UFSP1: variants seen among roughly 807,000 people sequenced by gnomAD.
The protein encoded by UFSP1 is UFM1 specific peptidase 1.
For synonymous variants in UFSP1, 119 were observed against 77.6 expected, an observed-to-expected ratio of 1.53 and a Z score of -2.81; for missense variants, 261 against 182.7, an observed-to-expected ratio of 1.43 and a Z score of -2.47.
chr7:100,888,760 G>A lies in UFSP1; in HGVS notation c.*83C>T, dbSNP rs1369274997. Reference sequence around the variant, plus strand: ...GCCACTTTTATTATTGATGTCAAAAGCGCCAGGCTTTGCAGGGACACCAGT... The same window carrying A: ...GCCACTTTTATTATTGATGTCAAAAACGCCAGGCTTTGCAGGGACACCAGT... On this transcript the variant is annotated 3_prime_UTR_variant, in exon 1 of 1. Transcript: ENST00000388761. 10 of 1,542,366 alleles carry A rather than the reference G, an allele frequency of 6.5e-6. No individual in the cohort carries two copies. The highest frequency in any genetic ancestry group is 8.8e-6 in the Non-Finnish European group (10 of 1,131,464).
Position 100,889,177 on chromosome 7 carries a change from C to A in UFSP1, c.95G>T (p.Gly32Val). 2 of 1,611,752 alleles carry A rather than the reference C, an allele frequency of 1.2e-6. No homozygotes were observed. ...TCCCCGGGGTACGTGGCAGAGGCGT[C>A]CCTGGGGCCCTCCGAAGTGAGCGAG... Residue 32 changes from glycine (G) to valine (V), a missense_variant, in exon 1 of 1, where the codon GGA becomes GTA. Physicochemically the swap from Gly to Val is moderately radical, Grantham distance 109 (BLOSUM62 -3). Transcript: ENST00000388761.
In UFSP1 at chr7:100,889,190, C is replaced by T. The variant is rs1790480951; in HGVS notation, c.82G>A (p.Gly28Arg). ...TGGCAGAGGCGTCCCTGGGGCCCTCCGAAGTGAGCGAGGCAGAGGCTGGCC... is the reference window on the plus strand; with the variant it reads ...TGGCAGAGGCGTCCCTGGGGCCCTCTGAAGTGAGCGAGGCAGAGGCTGGCC... The change falls in exon 1 of 1, where the codon GGA becomes AGA. Residue 28 changes from glycine (G) to arginine (R), a missense_variant. Physicochemically the swap from Gly to Arg is moderately radical, Grantham distance 125. Coordinates refer to ENST00000388761, the MANE Select transcript of UFSP1 (RefSeq NM_001015072.4). 6.2e-7 allele frequency: 1 copy of T among 1,609,692 alleles called. No homozygotes were observed. The highest frequency in any genetic ancestry group is 2.2e-5 in the East Asian group (1 of 44,808).
rs764893294 is a variant in UFSP1, at chr7:100,889,177, C to T, written c.95G>A (p.Gly32Glu). ...TCCCCGGGGTACGTGGCAGAGGCGT[C>T]CCTGGGGCCCTCCGAAGTGAGCGAG... is the stretch of plus-strand genomic sequence containing the variant. Residue 32 changes from glycine to glutamate, a missense_variant, in exon 1 of 1, where the codon GGA (glycine) becomes GAA (glutamate). Transcript: ENST00000388761. 1.9e-6 allele frequency: 3 copies of T among 1,611,752 alleles called. No individual in the cohort carries two copies. In the South Asian group the frequency reaches 3.3e-5, roughly 18 times the overall value.
rs747583946 is a variant in UFSP1, at chr7:100,889,077, C to G, written c.195G>C (p.Gly65=). 14 of 1,613,824 alleles carry G rather than the reference C, an allele frequency of 8.7e-6. No homozygotes were observed. The South Asian group carries it at 1.5e-4, about 18-fold the overall frequency. Residue 65 remains glycine, a synonymous_variant, in exon 1 of 1, where the codon GGG becomes GGC. Transcript: ENST00000388761. ...AGGCCTTGGACCTGGCATCTGCGTC[C>G]CCCCCAACCATGACTGGGCCCCCAC...
chr7:100,889,137 C>T lies in UFSP1; in HGVS notation c.135G>A (p.Gly45=), dbSNP rs1217879120. 1.2e-6 allele frequency: 2 copies of T among 1,613,152 alleles called. No homozygotes were observed. Among genetic ancestry groups the T allele is most frequent in the Non-Finnish European group, 1.7e-6 (2 of 1,179,812 alleles). The change falls in exon 1 of 1, where the codon GGG becomes GGA. Residue 45 remains glycine, a synonymous_variant. Coordinates refer to ENST00000388761, the MANE Select transcript of UFSP1 (RefSeq NM_001015072.4). ...AGTGCGAGTAAAGCCTCTCCAGCTC[C>T]CCGTGCAGCCCCACTCCCCGGGGTA...
Position 100,889,249 on chromosome 7 carries a change from A to C in UFSP1, c.23T>G (p.Phe8Cys), listed in dbSNP as rs756627565. The C allele has an allele frequency of 4.5e-6, 7 of 1,546,560 alleles. No individual in the cohort carries two copies. The Middle Eastern group carries it at 6.5e-4, about 143-fold the overall frequency. Reference sequence around the variant, plus strand: ...GCCGATCCAGTCCCGGGAGCCCCGGAAGCCGGGGGGCTTGTCGCCCATGTC... The same window carrying C: ...GCCGATCCAGTCCCGGGAGCCCCGGCAGCCGGGGGGCTTGTCGCCCATGTC... Residue 8 changes from phenylalanine (F) to cysteine (C), a missense_variant, in exon 1 of 1, where the codon TTC becomes TGC. Transcript: ENST00000388761.
rs555115495 is a variant in UFSP1, at chr7:100,889,065, G to C, written c.207C>G (p.Ala69=). Residue 69 remains alanine, a synonymous_variant, in exon 1 of 1, where the codon GCC becomes GCG. Transcript: ENST00000388761. Reference sequence around the variant, plus strand: ...AGACTCCCAGCAAGGCCTTGGACCTGGCATCTGCGTCCCCCCCAACCATGA... The same window carrying C: ...AGACTCCCAGCAAGGCCTTGGACCTCGCATCTGCGTCCCCCCCAACCATGA... 6.2e-7 allele frequency: 1 copy of C among 1,614,022 alleles called. No homozygotes were observed. Among genetic ancestry groups the C allele is most frequent in the East Asian group, 2.2e-5 (1 of 44,884 alleles).
chr7:100,889,032 C>T lies in UFSP1; in HGVS notation c.240G>A (p.Gly80=), dbSNP rs1348355231. The change falls in exon 1 of 1, where the codon GGG becomes GGA. Residue 80 remains glycine (G), a synonymous_variant. Coordinates refer to ENST00000388761, the MANE Select transcript of UFSP1 (RefSeq NM_001015072.4). ...CCAGGACATAGGCTTCCGTGCCTGA[C>T]CCTACGCAGACTCCCAGCAAGGCCT... is the stretch of plus-strand genomic sequence containing the variant. 5 of 1,614,062 alleles carry T rather than the reference C, an allele frequency of 3.1e-6. No homozygotes were observed. The highest frequency in any genetic ancestry group is 4.2e-6 in the Non-Finnish European group (5 of 1,180,028).
At position 100,889,631 on chromosome 7, in the gene UFSP1, G is replaced by C. The variant is rs1325220709; in HGVS notation, c.-360C>G. ...CTGCCGCAGGACCGGCGCGCAGACT[G>C]GGGACGCGCTCCCCGGGCCTCGTTG... On this transcript the variant is annotated 5_prime_UTR_variant, in exon 1 of 1. Transcript: ENST00000388761. 1.1e-5 allele frequency: 3 copies of C among 284,868 alleles called. No individual in the cohort carries two copies. The highest frequency in any genetic ancestry group is 6.7e-6 in the Non-Finnish European group (1 of 149,762). The allele number at this position is 284,868 out of a possible 1,614,324, so 17.6% of individuals were successfully genotyped here.
rs761585712 is a variant in UFSP1, at chr7:100,888,966, A to G, written c.306T>C (p.Ser102=). Residue 102 remains serine, a synonymous_variant, in exon 1 of 1, where the codon AGT becomes AGC. Coordinates refer to ENST00000388761, the MANE Select transcript of UFSP1 (RefSeq NM_001015072.4). ...CCACCCACCCAGCAGCCTGTAGTTC[A>G]CTGGGGCTTTTTGGAGTGCCCCAGT... 1 of 1,614,168 alleles carries G rather than the reference A, an allele frequency of 6.2e-7. No individual in the cohort carries two copies. Among genetic ancestry groups the G allele is most frequent in the Non-Finnish European group, 8.5e-7 (1 of 1,180,018 alleles).
Position 100,889,699 on chromosome 7 carries a change from C to G in UFSP1, c.-428G>C, listed in dbSNP as rs1740562475. 1 of 194,010 alleles carries G rather than the reference C, an allele frequency of 5.2e-6. No homozygotes were observed. The highest frequency in any genetic ancestry group is 1.0e-5 in the Non-Finnish European group (1 of 95,986). 12.0% of individuals were successfully genotyped at this position (194,010 alleles called of 1,614,324 possible). A position where few individuals can be genotyped will look rare whatever the true frequency, so the allele number is the denominator to read the frequency against. On this transcript the variant is annotated 5_prime_UTR_variant, in exon 1 of 1. Coordinates refer to ENST00000388761, the MANE Select transcript of UFSP1 (RefSeq NM_001015072.4). ...TAGGCAGCCACCGACCGGCACCGAC[C>G]GAGGAGCTCCCACAATGCTCCGCCG...
rs757230495 is a variant in UFSP1, at chr7:100,888,845, A to G, written c.427T>C (p.Ter143ArgextTer?). Residue 143 changes from the stop codon to arginine, a stop_lost, in exon 1 of 1, where the codon TGA becomes CGA. Coordinates refer to ENST00000388761, the MANE Select transcript of UFSP1 (RefSeq NM_001015072.4). Reference sequence around the variant, plus strand: ...ATCTCAGTTCTGTAACTTCGTCCTCAGTCCAAGGTGCGCTGCTGCTGTTGG... The same window carrying G: ...ATCTCAGTTCTGTAACTTCGTCCTCGGTCCAAGGTGCGCTGCTGCTGTTGG... The G allele has an allele frequency of 5.6e-6, 9 of 1,600,400 alleles. No individual in the cohort carries two copies. The South Asian group carries it at 6.7e-5, about 12-fold the overall frequency.
chr7:100,889,395 G>A lies in UFSP1; in HGVS notation c.-124C>T. ...CCCAGCCGCGGTCGTCCAGGCCGTC[G>A]CAGCCGTAGTGGTAGTAGAGGTAGT... On this transcript the variant is annotated 5_prime_UTR_variant, in exon 1 of 1. Coordinates refer to ENST00000388761, the MANE Select transcript of UFSP1 (RefSeq NM_001015072.4). The A allele has an allele frequency of 1.2e-6, 1 of 837,734 alleles. No homozygotes were observed. 51.9% of individuals were successfully genotyped at this position (837,734 alleles called of 1,614,324 possible). A position where few individuals can be genotyped will look rare whatever the true frequency, so the allele number is the denominator to read the frequency against.
Position 100,888,815 on chromosome 7 carries a change from C to G in UFSP1, c.*28G>C. 3.8e-6 allele frequency: 6 copies of G among 1,582,350 alleles called. No individual in the cohort carries two copies. The highest frequency in any genetic ancestry group is 1.2e-5 in the South Asian group (1 of 86,454). On this transcript the variant is annotated 3_prime_UTR_variant, in exon 1 of 1. Transcript: ENST00000388761. ...GGTACATAGGTGCGTGTCTGGGACC[C>G]GAGAATCTCAGTTCTGTAACTTCGT...
In UFSP1 at chr7:100,889,057, T is replaced by A. The variant is rs755837010; in HGVS notation, c.215A>T (p.Lys72Met). Residue 72 changes from lysine to methionine, a missense_variant, in exon 1 of 1, where the codon AAG becomes ATG. Coordinates refer to ENST00000388761, the MANE Select transcript of UFSP1 (RefSeq NM_001015072.4). Reference sequence around the variant, plus strand: ...CCCTACGCAGACTCCCAGCAAGGCCTTGGACCTGGCATCTGCGTCCCCCCC... The same window carrying A: ...CCCTACGCAGACTCCCAGCAAGGCCATGGACCTGGCATCTGCGTCCCCCCC... 6.2e-7 allele frequency: 1 copy of A among 1,614,120 alleles called. No homozygotes were observed. The highest frequency in any genetic ancestry group is 1.1e-5 in the South Asian group (1 of 91,088).
At position 100,888,728 on chromosome 7, in the gene UFSP1, C is replaced by T; in HGVS notation, c.*115G>A. The T allele has an allele frequency of 4.7e-6, 7 of 1,478,524 alleles. No homozygotes were observed. Among genetic ancestry groups the T allele is most frequent in the South Asian group, 2.3e-5 (2 of 85,496 alleles). The allele number at this position is 1,478,524 out of a possible 1,614,324, so 91.6% of individuals were successfully genotyped here. A position where few individuals can be genotyped will look rare whatever the true frequency, so the allele number is the denominator to read the frequency against. On this transcript the variant is annotated 3_prime_UTR_variant, in exon 1 of 1. Coordinates refer to ENST00000388761, the MANE Select transcript of UFSP1 (RefSeq NM_001015072.4). ...CCAGAGTAACTCCTGAGGTGTTGCT[C>T]AGCCCTGCCACTTTTATTATTGATG...
rs1178773734 is a variant in UFSP1 at position 100,888,795 on chromosome 7, A to C, written c.*48T>G. On this transcript the variant is annotated 3_prime_UTR_variant, in exon 1 of 1. Coordinates refer to ENST00000388761, the MANE Select transcript of UFSP1 (RefSeq NM_001015072.4). ...TTGCAGGGACACCAGTGGGAGGTAC[A>C]TAGGTGCGTGTCTGGGACCCGAGAA... 1.3e-6 allele frequency: 2 copies of C among 1,576,954 alleles called. No homozygotes were observed. The highest frequency in any genetic ancestry group is 3.5e-5 in the Admixed American group (2 of 56,834).
Position 100,889,288 on chromosome 7 carries a change from T to C in UFSP1, c.-17A>G. ...GTCGCCCATGTCCTCCAGGGCCGCC[T>C]GTACGGCGGCCAGTCCAGGTACGCC... On this transcript the variant is annotated 5_prime_UTR_variant, in exon 1 of 1. Transcript: ENST00000388761. 2 of 1,494,446 alleles carry C rather than the reference T, an allele frequency of 1.3e-6. No homozygotes were observed. The highest frequency in any genetic ancestry group is 1.8e-6 in the Non-Finnish European group (2 of 1,129,546). 92.6% of individuals were successfully genotyped at this position (1,494,446 alleles called of 1,614,324 possible). A position where few individuals can be genotyped will look rare whatever the true frequency, so the allele number is the denominator to read the frequency against.
Position 100,889,389 on chromosome 7 carries a change from G to T in UFSP1, c.-118C>A. Reference sequence around the variant, plus strand: ...CGCAGCCCCAGCCGCGGTCGTCCAGGCCGTCGCAGCCGTAGTGGTAGTAGA... The same window carrying T: ...CGCAGCCCCAGCCGCGGTCGTCCAGTCCGTCGCAGCCGTAGTGGTAGTAGA... On this transcript the variant is annotated 5_prime_UTR_variant, in exon 1 of 1. Transcript: ENST00000388761. 1 of 854,052 alleles carries T rather than the reference G, an allele frequency of 1.2e-6. No individual in the cohort carries two copies. The highest frequency in any genetic ancestry group is 1.7e-5 in the African/African-American group (1 of 57,234). The allele number at this position is 854,052 out of a possible 1,614,324, so 52.9% of individuals were successfully genotyped here. A position where few individuals can be genotyped will look rare whatever the true frequency, so the allele number is the denominator to read the frequency against.
Sources: allele counts gnomAD v4.1 joint callset, GRCh38; gene constraint gnomAD v4.1.1; transcripts MANE v1.5; gene names NCBI Gene and HGNC (gene_info 2026-07-23, HGNC 2026-07-21).